EYA2: variants seen among roughly 807,000 people sequenced by gnomAD.
The protein encoded by EYA2 is protein phosphatase EYA2.
A neutral mutation model predicts 69.2 loss-of-function variants in EYA2; 31 were observed. The observed-to-expected ratio is 0.45, with a 90% CI of 0.34 to 0.60. The LOEUF is 0.60. Ranked by LOEUF, EYA2 falls within the 20% of genes least tolerant of loss-of-function variation. The pLI, the probability that EYA2 is intolerant of heterozygous loss-of-function variation, is 0.02. For missense variants in EYA2, 622 were observed against 701.2 expected (o/e 0.89, Z 1.28); for synonymous variants, 257 against 279.4 (o/e 0.92, Z 0.80).
chr20:47,187,817 C>T (rs1177642676), intron 15 of EYA2, among the ~76,000 whole-genome samples: 1 of 152,240 alleles, frequency 6.6e-6, no homozygotes, highest in African/African-American at 2.4e-5. Flanking sequence ...ACAGCGAACA[C>T]GCTGGGCAGT....
At chr20:47,097,196 C>T in intron 9 of EYA2, 28 bp downstream of exon 9, 7 of 1,528,890 alleles carry the variant, frequency 4.6e-6, no homozygotes, top group Non-Finnish European at 6.3e-6. Context: ...CTCTCTCTCT[C>T]TTTTTTTGTT....
intron 8 of EYA2, among the ~76,000 whole-genome samples, chr20:47,090,067 A>G (rs1009508824): frequency 3.9e-5 from 6 of 152,080 alleles, no homozygotes; most frequent in African/African-American, 1.4e-4. Flanking sequence ...GCACACGACA[A>G]TCACATGAGG....
chr20:47,148,204 C>T (rs939633539), intron 10 of EYA2, among the ~76,000 whole-genome samples: 1 of 152,144 alleles, frequency 6.6e-6, no homozygotes, highest in African/African-American at 2.4e-5. Context: ...GTCCTGGATC[C>T]ACCATCTCCT....
intron 9 of EYA2, among the ~76,000 whole-genome samples, chr20:47,109,357 A>G (rs990880069): frequency 5.9e-5 from 9 of 152,166 alleles, no homozygotes; most frequent in Non-Finnish European, 7.4e-5. Flanking sequence ...TCACGTAGGT[A>G]CTACCAATGT....
At chr20:47,163,447 C>T (rs1308219493) in intron 10 of EYA2, among the ~76,000 whole-genome samples, 1 of 152,070 alleles carries the variant, frequency 6.6e-6, no homozygotes, top group Non-Finnish European at 1.5e-5. Flanking sequence ...GCCTGTAATC[C>T]CCGCACTTTG....
intron 9 of EYA2, among the ~76,000 whole-genome samples, chr20:47,137,917 C>T (rs1199878398): frequency 6.7e-6 from 1 of 149,878 alleles, no homozygotes; most frequent in Non-Finnish European, 1.5e-5. Context: ...CGTATTCTCA[C>T]TCATAGGTGG....
chr20:46,999,635 T>C (rs570095491), intron 2 of EYA2, among the ~76,000 whole-genome samples: 67 of 152,274 alleles, frequency 4.4e-4, no homozygotes, highest in Non-Finnish European at 1.6e-4. Flanking sequence ...TTTTCTTAAT[T>C]CCAGTTATGA....
intron 1 of EYA2, among the ~76,000 whole-genome samples, chr20:46,931,365 TTTTG>T (rs554482484): frequency 3.3e-5 from 5 of 152,062 alleles, no homozygotes; most frequent in Admixed American, 1.3e-4. Flanking sequence ...TTTCATTATG[TTTTG>T]TTTGTTTGTT....
rs111467126 is a variant in EYA2, at chr20:46,965,914, G to A, written c.-10-24087G>A. Reference sequence around the variant, plus strand: ...CTCAAGCCCTGTCTTCTCTCTTGGGGTGTGGAGTCAGCTAAGAGGGCAGCA... The same window carrying A: ...CTCAAGCCCTGTCTTCTCTCTTGGGATGTGGAGTCAGCTAAGAGGGCAGCA... On this transcript the variant is annotated intron_variant, in intron 1 of 15. Coordinates refer to ENST00000327619, the MANE Select transcript of EYA2 (RefSeq NM_005244.5). Among the ~76,000 whole-genome samples, 1,174 of 152,320 alleles carry A rather than the reference G, an allele frequency of 7.7e-3. 14 individuals carry two copies. Among genetic ancestry groups the A allele is most frequent in the African/African-American group, 0.027 (1,140 of 41,570 alleles).
intron 12 of EYA2, among the ~76,000 whole-genome samples, chr20:47,176,076 CTTTT>C (rs35654076): frequency 8.6e-4 from 97 of 112,450 alleles, no homozygotes; most frequent in African/African-American, 2.9e-3. Flanking sequence ...CACTTAAATT[CTTTT>C]TTTTTTTTTT....
chr20:46,975,225 A>C (rs1980390835), intron 1 of EYA2, among the ~76,000 whole-genome samples: 1 of 152,178 alleles, frequency 6.6e-6, no homozygotes, highest in East Asian at 1.9e-4. Flanking sequence ...AGAGCTACAC[A>C]CACACTGCAC....
intron 10 of EYA2, among the ~76,000 whole-genome samples, chr20:47,147,124 C>T (rs113525271): frequency 2.0e-5 from 3 of 147,766 alleles, no homozygotes; most frequent in African/African-American, 7.5e-5. Context: ...TCTTGTCGCA[C>T]TGCAACCTCT....
intron 15 of EYA2, 107 bp from the exon 16 acceptor site, chr20:47,187,946 G>A (rs3818012): frequency 0.47 from 571,206 of 1,208,782 alleles, 136,709 homozygotes; most frequent in African/African-American, 0.58. Context: ...AAGTCCCCAC[G>A]TGCTAGACTT....
At chr20:47,071,189 T>C (rs1298722723) in intron 5 of EYA2, among the ~76,000 whole-genome samples, 1 of 152,074 alleles carries the variant, frequency 6.6e-6, no homozygotes, top group Non-Finnish European at 1.5e-5. Context: ...TTTGTATTTT[T>C]AGTAGAGACA....
rs767140019 is a variant in EYA2, at chr20:47,016,311, T to C, written c.415+14T>C. The C allele has an allele frequency of 3.1e-6, 5 of 1,597,026 alleles. No individual in the cohort carries two copies. The highest frequency in any genetic ancestry group is 4.3e-6 in the Non-Finnish European group (5 of 1,164,540). The stretch of plus-strand genomic sequence containing the variant: ...ACCAGATGCACGGTCAGTGTGGCGC[T>C]GTGGCCCCTTCCTGCCCATCTCTAA... On this transcript the variant is annotated intron_variant, in intron 5 of 15. Transcript: ENST00000327619.
At chr20:46,929,671 C>T (rs1985582933) in intron 1 of EYA2, among the ~76,000 whole-genome samples, 1 of 151,978 alleles carries the variant, frequency 6.6e-6, no homozygotes. Flanking sequence ...GCAGGGTCCG[C>T]TCTGTGCCAG....
At position 47,074,321 on chromosome 20, in the gene EYA2, C is replaced by A. The variant is rs866678281; in HGVS notation, c.647C>A (p.Ser216Tyr). 1.2e-5 allele frequency: 19 copies of A among 1,613,902 alleles called. No individual in the cohort carries two copies. The East Asian group carries it at 4.0e-4, about 34-fold the overall frequency. ...TCTCACAACGTCCCCAACCAGAGTT[C>A]CGAGTCACTTGCTGGTAGGTGCAGT... ...EASHNVPNQS[S>Y]ESLAGEYNTH... Residue 216 changes from serine (S) to tyrosine (Y), a missense_variant, in exon 7 of 16, where the codon TCC becomes TAC. By Grantham distance (144) the Ser-to-Tyr change is moderately radical. Coordinates refer to ENST00000327619, the MANE Select transcript of EYA2 (RefSeq NM_005244.5).
intron 3 of EYA2, 76 bp from the exon 4 acceptor site, chr20:47,004,866 G>A: frequency 6.3e-7 from 1 of 1,597,364 alleles, no homozygotes; most frequent in Non-Finnish European, 8.6e-7. Flanking sequence ...AGAAAAATGG[G>A]GGTGTTGATA....
chr20:47,013,019 A>G lies in EYA2; in HGVS notation c.299-3162A>G, dbSNP rs76903751. On this transcript the variant is annotated intron_variant, in intron 4 of 15. Coordinates refer to ENST00000327619, the MANE Select transcript of EYA2 (RefSeq NM_005244.5). ...ATTTTCATATTCTCTTCTCTTTCTC[A>G]TGGATTAGAATTTTATGATCCAACC... 4.5e-3 allele frequency among the ~76,000 whole-genome samples: 691 copies of G among 152,296 alleles called. 1 individual carries two copies. Among genetic ancestry groups the G allele is most frequent in the Non-Finnish European group, 6.7e-3 (453 of 68,026 alleles).
Sources: allele counts gnomAD v4.1 joint callset (sites outside exome capture counted in the v4.1 genomes callset), GRCh38; gene constraint gnomAD v4.1.1; transcripts MANE v1.5; gene names NCBI Gene and HGNC (gene_info 2026-07-23, HGNC 2026-07-21).